Variants in CUX1 observed in about 807,000 individuals in gnomAD.
The protein encoded by CUX1 is protein CASP.
A neutral mutation model predicts 158.8 loss-of-function variants in CUX1; 31 were observed. That is an observed-to-expected ratio of 0.20 (90% CI 0.15 to 0.26). CUX1 has a LOEUF of 0.26. Ranked by LOEUF, CUX1 falls within the 10% of genes least tolerant of loss-of-function variation. CUX1 has a pLI of 1.00. For missense variants in CUX1, 1,589 were observed against 2,014.6 expected (o/e 0.79, Z 4.04); for synonymous variants, 879 against 862.1 (o/e 1.02, Z -0.34).
At chr7:102,084,353 C>G (rs73185898) in intron 4 of CUX1, among the ~76,000 whole-genome samples, 18,981 of 148,958 alleles carry the variant, frequency 0.13, 1,579 homozygotes, top group Non-Finnish European at 0.18. Context: ...TAATGCTCAC[C>G]TATTAGCTCT....
At chr7:102,005,406 TCCA>T (rs967023856) in intron 2 of CUX1, among the ~76,000 whole-genome samples, 1 of 152,160 alleles carries the variant, frequency 6.6e-6, no homozygotes, top group Non-Finnish European at 1.5e-5. Flanking sequence ...CGATCATAGC[TCCA>T]CTGCAGCCTC....
At chr7:101,899,886 C>A (rs1461776070) in intron 1 of CUX1, among the ~76,000 whole-genome samples, 1 of 152,326 alleles carries the variant, frequency 6.6e-6, no homozygotes. Context: ...CAGCCGAGGG[C>A]ACTGGATGGG....
At chr7:101,983,104 G>A (rs955501535) in intron 2 of CUX1, among the ~76,000 whole-genome samples, 1 of 152,110 alleles carries the variant, frequency 6.6e-6, no homozygotes, top group African/African-American at 2.4e-5. Context: ...CCACTAAAAT[G>A]TAAAATCACC....
At chr7:102,189,717 C>A in intron 11 of CUX1, 96 bp from the exon 12 acceptor site, 2 of 1,345,604 alleles carry the variant, frequency 1.5e-6, no homozygotes, top group South Asian at 1.2e-5. Context: ...CTTCCCCTCT[C>A]AGGCACAGCT....
At chr7:102,124,375 C>T (rs1832381395) in intron 8 of CUX1, among the ~76,000 whole-genome samples, 1 of 152,358 alleles carries the variant, frequency 6.6e-6, no homozygotes, top group Admixed American at 6.5e-5. Context: ...GCAGGCATAC[C>T]TGCACTCACA....
At chr7:102,185,923 G>T (rs1793574808) in intron 11 of CUX1, among the ~76,000 whole-genome samples, 1 of 152,146 alleles carries the variant, frequency 6.6e-6, no homozygotes. Flanking sequence ...ATCTGCAAAA[G>T]TTTTGCAATC....
intron 10 of CUX1, among the ~76,000 whole-genome samples, chr7:102,176,081 G>C (rs1792291289): frequency 1.3e-5 from 2 of 152,228 alleles, no homozygotes; most frequent in Admixed American, 6.5e-5. Context: ...GCGCACAGCT[G>C]TCAGAGGTCA....
At position 102,256,038 on chromosome 7, in the gene CUX1, C is replaced by G. The variant is rs377385077; in HGVS notation, c.*6996C>G. On this transcript the variant is annotated 3_prime_UTR_variant, in exon 24 of 24. Coordinates refer to ENST00000292535, the MANE Select transcript of CUX1 (RefSeq NM_181552.4). ...ACTGTAGTTCCGTTTGTTCATGAAC[C>G]GAAGGGAAAACAGGCCTCCCCGACT... 5.1e-6 allele frequency: 5 copies of G among 985,416 alleles called. No individual in the cohort carries two copies. Among genetic ancestry groups the G allele is most frequent in the Non-Finnish European group, 6.0e-6 (5 of 829,954 alleles). The allele number at this position is 985,416 out of a possible 1,614,324, so 61.0% of individuals were successfully genotyped here. A position where few individuals can be genotyped will look rare whatever the true frequency, so the allele number is the denominator to read the frequency against.
intron 8 of CUX1, among the ~76,000 whole-genome samples, chr7:102,122,050 G>A (rs1159295249): frequency 6.6e-6 from 1 of 152,114 alleles, no homozygotes; most frequent in Non-Finnish European, 1.5e-5. Flanking sequence ...GGTAGAGCCC[G>A]GTTGAGTAAA....
intron 21 of CUX1, among the ~76,000 whole-genome samples, chr7:102,230,805 A>C (rs1479869863): frequency 6.6e-6 from 1 of 152,166 alleles, no homozygotes; most frequent in Non-Finnish European, 1.5e-5. Context: ...TCACACATCC[A>C]AGGAAGCAGA....
chr7:102,282,571 A>G (rs1792160690), intron 21 of CUX1: 1 of 741,180 alleles, frequency 1.3e-6, no homozygotes, highest in Admixed American at 2.6e-5. Context: ...CAGTGGGTGC[A>G]GGAACATGTC....
chr7:102,097,202 T>C (rs2130906459), intron 4 of CUX1, among the ~76,000 whole-genome samples, 162 bp from the exon 5 acceptor site: 1 of 152,378 alleles, frequency 6.6e-6, no homozygotes, highest in Non-Finnish European at 1.5e-5. Context: ...CACTGGAGAA[T>C]TCTCCCACCC....
intron 8 of CUX1, among the ~76,000 whole-genome samples, chr7:102,131,821 C>T (rs1166276164): frequency 1.3e-5 from 2 of 151,716 alleles, no homozygotes; most frequent in Admixed American, 1.3e-4. Flanking sequence ...TACAGGCGCG[C>T]ACCACCATGC....
At chr7:101,887,752 C>G (rs990630233) in intron 1 of CUX1, among the ~76,000 whole-genome samples, 4 of 151,986 alleles carry the variant, frequency 2.6e-5, no homozygotes, top group Non-Finnish European at 5.9e-5. Flanking sequence ...GCACCATCCT[C>G]TGGGAGTGGC....
chr7:101,944,651 C>G (rs1585053227), intron 2 of CUX1, among the ~76,000 whole-genome samples: 1 of 152,236 alleles, frequency 6.6e-6, no homozygotes, highest in African/African-American at 2.4e-5. Flanking sequence ...CTAAGACACC[C>G]TGGGTCGTTT....
At chr7:102,008,190 C>T (rs1817599839) in intron 2 of CUX1, among the ~76,000 whole-genome samples, 1 of 152,204 alleles carries the variant, frequency 6.6e-6, no homozygotes, top group African/African-American at 2.4e-5. Context: ...TGGCCGTCCA[C>T]CCGCCTCTCA....
chr7:102,193,948 G>A, intron 13 of CUX1, 58 bp downstream of exon 13: 3 of 1,531,842 alleles, frequency 2.0e-6, no homozygotes, highest in South Asian at 2.2e-5. Flanking sequence ...GGTTACCACT[G>A]GTCCCTCCGG....
intron 11 of CUX1, among the ~76,000 whole-genome samples, chr7:102,180,998 A>G (rs1793027001): frequency 6.6e-6 from 1 of 150,810 alleles, no homozygotes; most frequent in African/African-American, 2.4e-5. Flanking sequence ...CTAGGGTGCG[A>G]TGGCGCCATC....
upstream of CUX1, among the ~76,000 whole-genome samples, chr7:101,816,378 C>A (rs1413835123): frequency 6.9e-6 from 1 of 144,022 alleles, no homozygotes; most frequent in East Asian, 2.1e-4. Flanking sequence ...GGTGTCTGCC[C>A]CCACCCCGGG....
Sources: allele counts gnomAD v4.1 joint callset (sites outside exome capture counted in the v4.1 genomes callset), GRCh38; gene constraint gnomAD v4.1.1; transcripts MANE v1.5; gene names NCBI Gene and HGNC (gene_info 2026-07-23, HGNC 2026-07-21).